The following MARCHF1 variants were observed in gnomAD, a reference collection of about 807,000 sequenced individuals.
MARCHF1 encodes membrane associated ring-CH-type finger 1.
A neutral mutation model predicts 54.2 loss-of-function variants in MARCHF1; 40 were observed. That is an observed-to-expected ratio of 0.74 (90% CI 0.57 to 0.96). The LOEUF is 0.96. MARCHF1 is among the 40% of genes least tolerant of loss of function. The probability of loss-of-function intolerance (pLI) is 0.00; values close to 1 mark genes in which losing one functional copy is unlikely to be tolerated. For synonymous variants in MARCHF1, 236 were observed against 236.3 expected (o/e 1.00, Z 0.01); for missense variants, 586 against 656.5 (o/e 0.89, Z 1.17).
At chr4:164,356,664 G>C (rs1730549979) in intron 1 of MARCHF1, among the ~76,000 whole-genome samples, 1 of 140,062 alleles carries the variant, frequency 7.1e-6, no homozygotes, top group South Asian at 2.3e-4. Context: ...CCTAAGGCTA[G>C]ATGACGAGTT....
At chr4:163,696,817 C>G (rs1259657040) in intron 5 of MARCHF1, among the ~76,000 whole-genome samples, 2 of 152,104 alleles carry the variant, frequency 1.3e-5, no homozygotes, top group South Asian at 4.1e-4. Flanking sequence ...TGCTGCTACC[C>G]TGTCCCAATT....
chr4:164,099,445 A>G (rs1469378717), intron 2 of MARCHF1, among the ~76,000 whole-genome samples: 5 of 152,190 alleles, frequency 3.3e-5, no homozygotes, highest in African/African-American at 1.2e-4. Flanking sequence ...TATATTTATA[A>G]AGACCTCATT....
rs189946624 is a variant in MARCHF1 at position 164,090,708 on chromosome 4, G to T, written c.-248+20880C>A. Among the ~76,000 whole-genome samples, 81 of 152,126 alleles carry T rather than the reference G, an allele frequency of 5.3e-4. 1 individual carries two copies. The highest frequency in any genetic ancestry group is 1.1e-3 in the Non-Finnish European group (72 of 67,994). On this transcript the variant is annotated intron_variant, in intron 2 of 9. Transcript: ENST00000514618. ...GGATAGGATTAAGAGATCTTATTGA[G>T]ATAAGAATCTTATCATCAGTGGCCC...
chr4:163,577,638 T>A (rs1740084317), intron 8 of MARCHF1, among the ~76,000 whole-genome samples: 1 of 152,050 alleles, frequency 6.6e-6, no homozygotes, highest in African/African-American at 2.4e-5. Flanking sequence ...CTAGCAAGAT[T>A]AGGGGAATTT....
intron 4 of MARCHF1, among the ~76,000 whole-genome samples, chr4:163,715,266 G>A (rs1745222788): frequency 6.6e-6 from 1 of 152,082 alleles, no homozygotes; most frequent in African/African-American, 2.4e-5. Context: ...TTTATTTTGA[G>A]ACGGAGTCTC....
At chr4:163,713,334 T>C (rs1301187075) in intron 4 of MARCHF1, among the ~76,000 whole-genome samples, 1 of 152,210 alleles carries the variant, frequency 6.6e-6, no homozygotes, top group Non-Finnish European at 1.5e-5. Flanking sequence ...ATTCTACTAA[T>C]AAATAAAAAA....
chr4:164,061,964 A>G (rs1416838356), intron 2 of MARCHF1, among the ~76,000 whole-genome samples: 3 of 152,166 alleles, frequency 2.0e-5, no homozygotes, highest in Non-Finnish European at 4.4e-5. Context: ...TCTTCCTTTC[A>G]TGAAAGATTA....
rs919657390 is a variant in MARCHF1, at chr4:163,638,574, C to CT, written c.163-25182dup. ...GGAGAACCAAGAGTCAATCAAATTA[C>CT]TTTTTTTTAAATTACCCAGCCTCAG... On this transcript the variant is annotated intron_variant, in intron 5 of 9. Coordinates refer to ENST00000514618, the MANE Select transcript of MARCHF1 (RefSeq NM_001394959.1). Among the ~76,000 whole-genome samples the CT allele has an allele frequency of 8.5e-5, 13 of 152,066 alleles. No homozygotes were observed. The South Asian group carries it at 1.3e-3, about 15-fold the overall frequency.
At chr4:163,578,956 C>T (rs1740127868) in intron 8 of MARCHF1, among the ~76,000 whole-genome samples, 2 of 152,150 alleles carry the variant, frequency 1.3e-5, no homozygotes, top group Non-Finnish European at 2.9e-5. Flanking sequence ...GTGAACTGAA[C>T]TCTGACTAGA....
chr4:163,815,706 C>A (rs1160179373), intron 4 of MARCHF1, among the ~76,000 whole-genome samples: 1 of 152,132 alleles, frequency 6.6e-6, no homozygotes, highest in African/African-American at 2.4e-5. Context: ...ATATCTAAAT[C>A]TTCCAAGAAT....
chr4:163,819,983 C>T (rs1748645730), intron 4 of MARCHF1, among the ~76,000 whole-genome samples: 2 of 152,070 alleles, frequency 1.3e-5, no homozygotes, highest in African/African-American at 4.8e-5. Flanking sequence ...GTGCAATCAA[C>T]ATATGAAAAC....
intron 1 of MARCHF1, among the ~76,000 whole-genome samples, chr4:164,248,582 C>A (rs1227138421): frequency 1.3e-5 from 2 of 151,960 alleles, no homozygotes; most frequent in East Asian, 1.9e-4. Flanking sequence ...ATTTTCATAT[C>A]CACAAGAATT....
chr4:163,936,093 A>T (rs1000570143), intron 3 of MARCHF1, among the ~76,000 whole-genome samples: 2 of 152,254 alleles, frequency 1.3e-5, no homozygotes, highest in Non-Finnish European at 2.9e-5. Flanking sequence ...GAGGACAGGG[A>T]GAGAGACAGG....
chr4:164,006,899 G>A (rs140372823), intron 2 of MARCHF1, among the ~76,000 whole-genome samples: 7 of 135,720 alleles, frequency 5.2e-5, no homozygotes, highest in East Asian at 2.3e-4. Context: ...ATAAATGAGC[G>A]ATAAAACCTT....
At chr4:164,296,050 T>C (rs1011226095) in intron 1 of MARCHF1, among the ~76,000 whole-genome samples, 1 of 152,164 alleles carries the variant, frequency 6.6e-6, no homozygotes, top group Non-Finnish European at 1.5e-5. Context: ...TAAACGGAAA[T>C]TCCCAGCCTT....
At chr4:163,952,090 T>A (rs1227750213) in intron 3 of MARCHF1, among the ~76,000 whole-genome samples, 1 of 152,150 alleles carries the variant, frequency 6.6e-6, no homozygotes, top group Non-Finnish European at 1.5e-5. Context: ...TCCATGAAAA[T>A]CGCTTGTTTT....
chr4:164,174,062 A>G (rs1168877907), intron 1 of MARCHF1, among the ~76,000 whole-genome samples: 1 of 152,230 alleles, frequency 6.6e-6, no homozygotes, highest in Admixed American at 6.5e-5. Flanking sequence ...TCCATTAGAA[A>G]ACACTAGTCA....
At chr4:163,858,442 C>A (rs985637017) in intron 3 of MARCHF1, among the ~76,000 whole-genome samples, 1 of 152,124 alleles carries the variant, frequency 6.6e-6, no homozygotes, top group Middle Eastern at 3.2e-3. Context: ...TGCTCCCTCT[C>A]TTTACCACAT....
intron 1 of MARCHF1, among the ~76,000 whole-genome samples, chr4:164,236,600 T>C (rs769851331): frequency 1.7e-4 from 26 of 152,098 alleles, no homozygotes; most frequent in Admixed American, 3.3e-4. Flanking sequence ...CATTGTCTTG[T>C]TTAACCTAAG....
Sources: allele counts gnomAD v4.1 joint callset (sites outside exome capture counted in the v4.1 genomes callset), GRCh38; gene constraint gnomAD v4.1.1; transcripts MANE v1.5; gene names NCBI Gene and HGNC (gene_info 2026-07-23, HGNC 2026-07-21).